Variants in LIMS1 observed in about 807,000 individuals in gnomAD.
LIMS1 encodes LIM and senescent cell antigen-like-containing domain protein 1.
A neutral mutation model predicts 44.1 loss-of-function variants in LIMS1; 18 were observed. The ratio of observed to expected loss-of-function variants is 0.41; its 90% CI spans 0.28 to 0.61. LIMS1 has a LOEUF of 0.61. LIMS1 is among the 20% of genes least tolerant of loss of function. The probability of loss-of-function intolerance (pLI) is 0.32; values close to 1 mark genes in which losing one functional copy is unlikely to be tolerated. For synonymous variants in LIMS1, 93 were observed against 149.1 expected (o/e 0.62, Z 2.74); for missense variants, 201 against 422.0 (o/e 0.48, Z 4.59).
At chr2:108,561,746 G>GTTTTTTTTTT (rs200154866) in intron 1 of LIMS1, among the ~76,000 whole-genome samples, 2 of 134,128 alleles carry the variant, frequency 1.5e-5, no homozygotes, top group Non-Finnish European at 1.6e-5. Context: ...GTTTTTTTTT[G>GTTTTTTTTTT]TTTTTTTTTT....
chr2:108,585,585 T>A (rs1261963606), intron 1 of LIMS1, among the ~76,000 whole-genome samples: 3 of 151,990 alleles, frequency 2.0e-5, no homozygotes, highest in Non-Finnish European at 4.4e-5. Context: ...TGAGATTTGT[T>A]GAAGTCATCA....
chr2:108,554,851 A>C lies in LIMS1; in HGVS notation c.32+20257A>C, dbSNP rs114519114. On this transcript the variant is annotated intron_variant, in intron 1 of 9. Transcript: ENST00000544547. ...CTCCTGTGTGCAGAGAGGGACCAGG[A>C]GCATAATCATTATCTGGAAGCTTAT... Among the ~76,000 whole-genome samples, 634 of 152,290 alleles carry C rather than the reference A, an allele frequency of 4.2e-3. 5 individuals are homozygous for C. Among genetic ancestry groups the C allele is most frequent in the African/African-American group, 0.014 (596 of 41,556 alleles).
Position 108,676,269 on chromosome 2 carries a change from A to T in LIMS1, c.681+241A>T, listed in dbSNP as rs139813679. ...TGCTTTTGTGAATGTCTCAGTAATG[A>T]TACAGGATGTGTACTTTTGCTCCTA... On this transcript the variant is annotated intron_variant, in intron 6 of 9. Coordinates refer to ENST00000544547, the Ensembl canonical transcript of LIMS1. 1.2e-3 allele frequency among the ~76,000 whole-genome samples: 179 copies of T among 152,348 alleles called. 6 individuals carry two copies. In the East Asian group the frequency reaches 0.031, roughly 26 times the overall value.
intron 1 of LIMS1, among the ~76,000 whole-genome samples, chr2:108,627,158 T>G (rs1425037066): frequency 1.3e-5 from 2 of 152,216 alleles, no homozygotes; most frequent in Non-Finnish European, 2.9e-5. Flanking sequence ...CCTAGGCATG[T>G]AATAGGCTGT....
chr2:108,671,972 G>C (rs1692189960), intron 3 of LIMS1, among the ~76,000 whole-genome samples: 2 of 152,052 alleles, frequency 1.3e-5, no homozygotes, highest in African/African-American at 4.8e-5. Flanking sequence ...CTGAGGTCGG[G>C]AATTCGACCA....
intron 9 of LIMS1, among the ~76,000 whole-genome samples, chr2:108,682,049 T>A (rs893744675): frequency 6.6e-5 from 10 of 152,224 alleles, no homozygotes; most frequent in Non-Finnish European, 1.3e-4. Flanking sequence ...AACTCTTTTT[T>A]TATTCCTGAT....
rs139984556 is a variant in LIMS1, at chr2:108,623,734, C to G, written c.33-35871C>G. Among the ~76,000 whole-genome samples, 162 of 152,324 alleles carry G rather than the reference C, an allele frequency of 1.1e-3. 2 individuals carry two copies. Among genetic ancestry groups the G allele is most frequent in the African/African-American group, 3.8e-3 (159 of 41,576 alleles). On this transcript the variant is annotated intron_variant, in intron 1 of 9. Transcript: ENST00000544547. ...ATCTTTCATACTGTCTCAAGTATTG[C>G]ATAAGACCCATTCCAGCTCTCATTC...
At chr2:108,675,662 A>G (rs1692493307) in intron 5 of LIMS1, among the ~76,000 whole-genome samples, 1 of 152,220 alleles carries the variant, frequency 6.6e-6, no homozygotes. Flanking sequence ...CTAGTCTTGC[A>G]TCTTATCCTT....
chr2:108,563,740 G>A (rs908041367), intron 1 of LIMS1, among the ~76,000 whole-genome samples: 2 of 152,076 alleles, frequency 1.3e-5, no homozygotes, highest in African/African-American at 4.8e-5. Flanking sequence ...GCAATGGCAG[G>A]GTTTGAGAGA....
At chr2:108,603,044 C>G (rs1387147131) in intron 1 of LIMS1, among the ~76,000 whole-genome samples, 1 of 152,188 alleles carries the variant, frequency 6.6e-6, no homozygotes, top group African/African-American at 2.4e-5. Flanking sequence ...CCTTGGCCTC[C>G]CAAAATGCTG....
At chr2:108,553,480 C>T (rs1192659266) in intron 1 of LIMS1, among the ~76,000 whole-genome samples, 1 of 152,120 alleles carries the variant, frequency 6.6e-6, no homozygotes, top group African/African-American at 2.4e-5. Flanking sequence ...AGGAAAGGCC[C>T]AGGATCACAC....
At chr2:108,674,582 G>A (rs1346148406) in intron 5 of LIMS1, among the ~76,000 whole-genome samples, 3 of 149,384 alleles carry the variant, frequency 2.0e-5, no homozygotes, top group Admixed American at 6.7e-5. Context: ...TTAGCCAGGC[G>A]TGGTGGTGGG....
chr2:108,586,232 A>G (rs796573767), intron 1 of LIMS1, among the ~76,000 whole-genome samples: 14 of 152,214 alleles, frequency 9.2e-5, no homozygotes, highest in African/African-American at 3.4e-4. Flanking sequence ...AAAAAAGAAA[A>G]TGGTGTCTGA....
exon 10 of LIMS1, chr2:108,684,002 T>C (rs1573638374): frequency 2.1e-6 from 3 of 1,448,634 alleles, no homozygotes; most frequent in East Asian, 4.6e-5. Context: ...GGAAATAAGT[T>C]CCTTTATTTT....
chr2:108,657,341 T>G (rs1690944974), intron 1 of LIMS1, among the ~76,000 whole-genome samples: 1 of 152,300 alleles, frequency 6.6e-6, no homozygotes, highest in African/African-American at 2.4e-5. Flanking sequence ...TTGTTGAGGT[T>G]TGGTGAATCT....
chr2:108,666,261 G>T (rs1691754779), intron 2 of LIMS1, among the ~76,000 whole-genome samples: 1 of 151,888 alleles, frequency 6.6e-6, no homozygotes. Context: ...CTATTAATTT[G>T]CTAGAGCAAC....
intron 1 of LIMS1, among the ~76,000 whole-genome samples, chr2:108,656,548 G>C (rs1402401056): frequency 6.6e-6 from 1 of 152,096 alleles, no homozygotes; most frequent in Admixed American, 6.5e-5. Flanking sequence ...CATTGTGCCA[G>C]AGGGTCAAAG....
intron 1 of LIMS1, among the ~76,000 whole-genome samples, chr2:108,647,129 G>A (rs1014439628): frequency 2.6e-5 from 4 of 152,012 alleles, no homozygotes; most frequent in Non-Finnish European, 4.4e-5. Flanking sequence ...ATGATAAAGG[G>A]GATATCACCA....
intron 1 of LIMS1, among the ~76,000 whole-genome samples, chr2:108,649,400 T>C (rs1180843730): frequency 2.0e-5 from 3 of 152,192 alleles, no homozygotes; most frequent in Admixed American, 6.5e-5. Flanking sequence ...GTTCAACCAT[T>C]GTGGAAGACA....
Sources: gnomAD v4.1 joint callset for allele counts (sites outside exome capture counted in the v4.1 genomes callset) on GRCh38, gnomAD v4.1.1 for gene constraint, MANE v1.5 for transcripts, NCBI Gene and HGNC (gene_info 2026-07-23, HGNC 2026-07-21) for gene names.